OR5A2: variants seen among roughly 807,000 people sequenced by gnomAD.
OR5A2 encodes olfactory receptor family 5 subfamily A member 2.
For synonymous variants in OR5A2, 155 were observed against 151.1 expected, an observed-to-expected ratio of 1.03 and a Z score of -0.19; for missense variants, 406 against 398.9, an observed-to-expected ratio of 1.02 and a Z score of -0.15.
Position 59,417,216 on chromosome 11 carries a change from G to A in OR5A2, c.*4763C>T, listed in dbSNP as rs2134519447. 1 of 152,054 alleles carries A rather than the reference G, an allele frequency of 6.6e-6. No individual in the cohort carries two copies. The highest frequency in any genetic ancestry group is 1.5e-5 in the Non-Finnish European group (1 of 67,938). The allele number at this position is 152,054 out of a possible 1,614,324, so 9.4% of individuals were successfully genotyped here. ...AATGTGGTCCCACCCAAAGTGTGCG[G>A]TTAGTCTCTTCAACTAGATACTGCC... is the stretch of plus-strand genomic sequence containing the variant. On this transcript the variant is annotated 3_prime_UTR_variant, in exon 2 of 2. Coordinates refer to ENST00000302040, the MANE Select transcript of OR5A2 (RefSeq NM_001001954.2).
Position 59,421,907 on chromosome 11 carries a change from C to T in OR5A2, c.*72G>A. ...AAAAGCCTGATTCCCACAATTCATT[C>T]TATAGATCAACTAGTTTAAAATTAT... is the stretch of plus-strand genomic sequence containing the variant. On this transcript the variant is annotated 3_prime_UTR_variant, in exon 2 of 2. Coordinates refer to ENST00000302040, the MANE Select transcript of OR5A2 (RefSeq NM_001001954.2). 6.9e-7 allele frequency: 1 copy of T among 1,439,654 alleles called. No homozygotes were observed. Among genetic ancestry groups the T allele is most frequent in the East Asian group, 2.3e-5 (1 of 43,566 alleles). The allele number at this position is 1,439,654 out of a possible 1,614,324, so 89.2% of individuals were successfully genotyped here.
chr11:59,418,816 A>C lies in OR5A2; in HGVS notation c.*3163T>G, dbSNP rs1417022198. 2.6e-5 allele frequency: 4 copies of C among 152,098 alleles called. No individual in the cohort carries two copies. The highest frequency in any genetic ancestry group is 2.6e-4 in the Admixed American group (4 of 15,248). The allele number at this position is 152,098 out of a possible 1,614,324, so 9.4% of individuals were successfully genotyped here. A position where few individuals can be genotyped will look rare whatever the true frequency, so the allele number is the denominator to read the frequency against. On this transcript the variant is annotated 3_prime_UTR_variant, in exon 2 of 2. Transcript: ENST00000302040. ...ATGAGAAATTTACCATTACTCGTAG[A>C]TATATATGTGATTGAACAAGAAAAA...
Position 59,422,025 on chromosome 11 carries a change from G to A in OR5A2, c.929C>T (p.Pro310Leu). The part of the protein sequence containing the change: ...NAMRKAMERD[P>L]GISHGGPFIF... ...GAATGGTCCACCGTGAGAAATCCCG[G>A]GGTCCCTTTCCATGGCTTTCCTCAT... is the stretch of plus-strand genomic sequence containing the variant. The change falls in exon 2 of 2, where the codon CCC (proline) becomes CTC (leucine). Residue 310 changes from proline to leucine, a missense_variant. By Grantham distance (98) the Pro-to-Leu change is moderately conservative (BLOSUM62 -3). Coordinates refer to ENST00000302040, the MANE Select transcript of OR5A2 (RefSeq NM_001001954.2). The A allele has an allele frequency of 6.2e-7, 1 of 1,613,538 alleles. No individual in the cohort carries two copies. Among genetic ancestry groups the A allele is most frequent in the Non-Finnish European group, 8.5e-7 (1 of 1,179,696 alleles).
In OR5A2 at chr11:59,418,637, CAT is replaced by C. The variant is rs1249017314; in HGVS notation, c.*3340_*3341del. 1 of 152,066 alleles carries C rather than the reference CAT, an allele frequency of 6.6e-6. No homozygotes were observed. Among genetic ancestry groups the C allele is most frequent in the Non-Finnish European group, 1.5e-5 (1 of 68,010 alleles). The allele number at this position is 152,066 out of a possible 1,614,324, so 9.4% of individuals were successfully genotyped here. On this transcript the variant is annotated 3_prime_UTR_variant, in exon 2 of 2. Transcript: ENST00000302040. ...ATACACTTGTTTAGGAAATATTTAA[CAT>C]GTGGCTTACTGTATACCCCCAAACA...
chr11:59,421,709 C>A lies in OR5A2; in HGVS notation c.*270G>T, dbSNP rs1371984799. The A allele has an allele frequency of 2.7e-6, 1 of 371,220 alleles. No individual in the cohort carries two copies. Among genetic ancestry groups the A allele is most frequent in the African/African-American group, 2.0e-5 (1 of 49,574 alleles). The allele number at this position is 371,220 out of a possible 1,614,324, so 23.0% of individuals were successfully genotyped here. A position where few individuals can be genotyped will look rare whatever the true frequency, so the allele number is the denominator to read the frequency against. ...TTCGATGACTTTCCTCCTATACATA[C>A]AAACTCTGTTTTAACATTCCAGGAT... On this transcript the variant is annotated 3_prime_UTR_variant, in exon 2 of 2. Transcript: ENST00000302040.
In OR5A2 at chr11:59,426,285, C is replaced by G. The variant is rs1185813250; in HGVS notation, c.-206G>C. ...CAGATCATCTGCATTTCCCACTGCTCCATGGCTGGTTTCTCGTTCCATCAA... is the reference window on the plus strand; with the variant it reads ...CAGATCATCTGCATTTCCCACTGCTGCATGGCTGGTTTCTCGTTCCATCAA... On this transcript the variant is annotated 5_prime_UTR_variant, in exon 1 of 2. Transcript: ENST00000302040. 1.3e-5 allele frequency: 2 copies of G among 152,214 alleles called. No individual in the cohort carries two copies. Among genetic ancestry groups the G allele is most frequent in the Non-Finnish European group, 2.9e-5 (2 of 68,038 alleles). The allele number at this position is 152,214 out of a possible 1,614,324, so 9.4% of individuals were successfully genotyped here. A position where few individuals can be genotyped will look rare whatever the true frequency, so the allele number is the denominator to read the frequency against.
chr11:59,426,403 G>A lies in OR5A2; in HGVS notation c.-324C>T, dbSNP rs756358440. The A allele has an allele frequency of 1.3e-5, 2 of 152,194 alleles. No homozygotes were observed. The highest frequency in any genetic ancestry group is 2.9e-5 in the Non-Finnish European group (2 of 68,038). The allele number at this position is 152,194 out of a possible 1,614,324, so 9.4% of individuals were successfully genotyped here. A position where few individuals can be genotyped will look rare whatever the true frequency, so the allele number is the denominator to read the frequency against. ...AGTCTTCCAAATAAATGGGCTGTGG[G>A]AGTTCATTATTTTAATGGGCAGAGG... On this transcript the variant is annotated 5_prime_UTR_variant, in exon 1 of 2. Transcript: ENST00000302040.
intron 1 of OR5A2, chr11:59,423,290 C>T (rs572860558): frequency 9.3e-6 from 2 of 215,424 alleles, no homozygotes; most frequent in South Asian, 1.2e-4. Context: ...TCTCCAGATT[C>T]TCATTTTCCC....
Position 59,422,965 on chromosome 11 carries a change from C to T in OR5A2, c.-12G>A, listed in dbSNP as rs1858250705. On this transcript the variant is annotated 5_prime_UTR_variant, in exon 2 of 2. Coordinates refer to ENST00000302040, the MANE Select transcript of OR5A2 (RefSeq NM_001001954.2). ...CTTCCTACAGCCATAGGCCTGCTTC[C>T]TGCATAAAGTCTTTACTTTCTTCTT... 1.3e-6 allele frequency: 2 copies of T among 1,598,520 alleles called. No individual in the cohort carries two copies. Among genetic ancestry groups the T allele is most frequent in the Non-Finnish European group, 8.5e-7 (1 of 1,172,888 alleles).
chr11:59,424,725 C>A (rs1221040930), intron 1 of OR5A2: 5 of 152,134 alleles, frequency 3.3e-5, no homozygotes, highest in African/African-American at 1.2e-4. Context: ...ATTTGTTTGC[C>A]CATGCATGTT....
intron 1 of OR5A2, chr11:59,425,069 A>C (rs1023551851): frequency 6.6e-6 from 1 of 152,200 alleles, no homozygotes; most frequent in African/African-American, 2.4e-5. Context: ...GACAGAGCTC[A>C]TTTATCAAGA....
Position 59,418,568 on chromosome 11 carries a change from A to G in OR5A2, c.*3411T>C, listed in dbSNP as rs1858184749. 3 of 152,088 alleles carry G rather than the reference A, an allele frequency of 2.0e-5. No homozygotes were observed. Among genetic ancestry groups the G allele is most frequent in the Admixed American group, 2.0e-4 (3 of 15,244 alleles). 9.4% of individuals were successfully genotyped at this position (152,088 alleles called of 1,614,324 possible). The stretch of plus-strand genomic sequence containing the variant: ...AAATGCCTGATTCCTTAAGGGCCCA[A>G]AATATTCTGTTTAATGTGTGTCTGA... On this transcript the variant is annotated 3_prime_UTR_variant, in exon 2 of 2. Coordinates refer to ENST00000302040, the MANE Select transcript of OR5A2 (RefSeq NM_001001954.2).
chr11:59,418,693 A>G lies in OR5A2; in HGVS notation c.*3286T>C, dbSNP rs2134520430. ...AAGTCTTACAACCAATCTCCATCTT[A>G]TGTATTACAATTAATGCATATTAAT... On this transcript the variant is annotated 3_prime_UTR_variant, in exon 2 of 2. Coordinates refer to ENST00000302040, the MANE Select transcript of OR5A2 (RefSeq NM_001001954.2). The G allele has an allele frequency of 6.6e-6, 1 of 152,218 alleles. No homozygotes were observed. Among genetic ancestry groups the G allele is most frequent in the East Asian group, 1.9e-4 (1 of 5,160 alleles). 9.4% of individuals were successfully genotyped at this position (152,218 alleles called of 1,614,324 possible).
In OR5A2 at chr11:59,422,608, G is replaced by A. The variant is rs985820307; in HGVS notation, c.346C>T (p.Leu116=). ...CGMGLTECFL[L]AAMAYDRYAA... Reference sequence around the variant, plus strand: ...TACCGGTCATAGGCCATAGCTGCCAGGAGAAAGCATTCAGTCAGCCCCATC... The same window carrying A: ...TACCGGTCATAGGCCATAGCTGCCAAGAGAAAGCATTCAGTCAGCCCCATC... Residue 116 remains leucine (L), a synonymous_variant, in exon 2 of 2, where the codon CTG becomes TTG. Transcript: ENST00000302040. 1.2e-6 allele frequency: 2 copies of A among 1,614,200 alleles called. No homozygotes were observed. The highest frequency in any genetic ancestry group is 1.7e-6 in the Non-Finnish European group (2 of 1,180,020).
Position 59,422,036 on chromosome 11 carries a change from C to T in OR5A2, c.918G>A (p.Met306Ile). 1 of 1,613,884 alleles carries T rather than the reference C, an allele frequency of 6.2e-7. No individual in the cohort carries two copies. Among genetic ancestry groups the T allele is most frequent in the Non-Finnish European group, 8.5e-7 (1 of 1,179,898 alleles). ...CGTGAGAAATCCCGGGGTCCCTTTC[C>T]ATGGCTTTCCTCATGGCATTTTTAA... ...KEIKNAMRKA[M>I]ERDPGISHGG... Residue 306 changes from methionine to isoleucine, a missense_variant, in exon 2 of 2, where the codon ATG (methionine) becomes ATA (isoleucine). Coordinates refer to ENST00000302040, the MANE Select transcript of OR5A2 (RefSeq NM_001001954.2).
Position 59,417,215 on chromosome 11 carries a change from G to C in OR5A2, c.*4764C>G, listed in dbSNP as rs117971042. 2 of 151,928 alleles carry C rather than the reference G, an allele frequency of 1.3e-5. No individual in the cohort carries two copies. The highest frequency in any genetic ancestry group is 2.9e-5 in the Non-Finnish European group (2 of 67,974). The allele number at this position is 151,928 out of a possible 1,614,324, so 9.4% of individuals were successfully genotyped here. A position where few individuals can be genotyped will look rare whatever the true frequency, so the allele number is the denominator to read the frequency against. The stretch of plus-strand genomic sequence containing the variant: ...GAATGTGGTCCCACCCAAAGTGTGC[G>C]GTTAGTCTCTTCAACTAGATACTGC... On this transcript the variant is annotated 3_prime_UTR_variant, in exon 2 of 2. Transcript: ENST00000302040.
chr11:59,423,509 T>C (rs1180857475), intron 1 of OR5A2: 1 of 152,754 alleles, frequency 6.5e-6, no homozygotes, highest in Non-Finnish European at 1.5e-5. Flanking sequence ...TTTTGACATA[T>C]TCCATTTTGG....
chr11:59,418,390 G>C lies in OR5A2; in HGVS notation c.*3589C>G, dbSNP rs1301399152. 1 of 152,054 alleles carries C rather than the reference G, an allele frequency of 6.6e-6. No homozygotes were observed. Among genetic ancestry groups the C allele is most frequent in the Non-Finnish European group, 1.5e-5 (1 of 67,994 alleles). The allele number at this position is 152,054 out of a possible 1,614,324, so 9.4% of individuals were successfully genotyped here. A position where few individuals can be genotyped will look rare whatever the true frequency, so the allele number is the denominator to read the frequency against. On this transcript the variant is annotated 3_prime_UTR_variant, in exon 2 of 2. Transcript: ENST00000302040. ...TATGCAGATAGCTATTCTGAGCTTGGTTAACTTCAGTCCATCTGGAAAAGA... is the reference window on the plus strand; with the variant it reads ...TATGCAGATAGCTATTCTGAGCTTGCTTAACTTCAGTCCATCTGGAAAAGA...
Position 59,422,064 on chromosome 11 carries a change from T to C in OR5A2, c.890A>G (p.Glu297Gly). 1 of 1,614,030 alleles carries C rather than the reference T, an allele frequency of 6.2e-7. No individual in the cohort carries two copies. The highest frequency in any genetic ancestry group is 8.5e-7 in the Non-Finnish European group (1 of 1,179,964). ...GGCTTTCCTCATGGCATTTTTAATC[T>C]CCTTATTCCTAAAACTGTAGATGAT... ...NPIIYSFRNK[E>G]IKNAMRKAME... Residue 297 changes from glutamate to glycine, a missense_variant, in exon 2 of 2, where the codon GAG becomes GGG. Coordinates refer to ENST00000302040, the MANE Select transcript of OR5A2 (RefSeq NM_001001954.2).
Sources: allele counts gnomAD v4.1 joint callset, GRCh38; gene constraint gnomAD v4.1.1; transcripts MANE v1.5; gene names NCBI Gene and HGNC (gene_info 2026-07-23, HGNC 2026-07-21).